The following ATP9B variants were observed in gnomAD, a reference collection of about 807,000 sequenced individuals.
ATP9B encodes the protein probable phospholipid-transporting ATPase IIB.
Under a neutral mutation model 146.1 loss-of-function variants are expected in ATP9B, and 110 were observed. That is an observed-to-expected ratio of 0.75 (90% confidence interval 0.65 to 0.88). The LOEUF (loss-of-function observed/expected upper bound fraction) is 0.88, where lower values mean the gene tolerates loss of function less well. ATP9B is among the 40% of genes least tolerant of loss of function. The probability of loss-of-function intolerance (pLI) is 0.00; values close to 1 mark genes in which losing one functional copy is unlikely to be tolerated. For missense variants in ATP9B, 1,499 were observed against 1,496.4 expected (o/e 1.00, Z -0.03); for synonymous variants, 604 against 569.7 (o/e 1.06, Z -0.86).
chr18:79,201,218 C>T (rs113787389), intron 9 of ATP9B, among the ~76,000 whole-genome samples: 3 of 152,066 alleles, frequency 2.0e-5, no homozygotes, highest in African/African-American at 7.2e-5. Context: ...TATATCCATT[C>T]TGAAATCTGA....
intron 15 of ATP9B, among the ~76,000 whole-genome samples, chr18:79,316,981 G>C (rs2096684190): frequency 6.6e-6 from 1 of 152,178 alleles, no homozygotes; most frequent in African/African-American, 2.4e-5. Context: ...GTTTATAAGA[G>C]AATATGAAAT....
intron 25 of ATP9B, among the ~76,000 whole-genome samples, chr18:79,349,783 C>T (rs979233007): frequency 2.0e-5 from 3 of 152,080 alleles, no homozygotes; most frequent in African/African-American, 7.2e-5. Context: ...GCCTTCCTTC[C>T]GTCTCCAGTC....
At chr18:79,253,566 C>G in intron 12 of ATP9B, 25 bp downstream of exon 12, 2 of 1,551,650 alleles carry the variant, frequency 1.3e-6, no homozygotes, top group Non-Finnish European at 1.7e-6. Flanking sequence ...GAAAATAAAA[C>G]AAATGTCTGG....
chr18:79,167,501 G>A (rs1352051770), intron 7 of ATP9B, among the ~76,000 whole-genome samples: 1 of 152,014 alleles, frequency 6.6e-6, no homozygotes, highest in African/African-American at 2.4e-5. Context: ...GACCTGGAGT[G>A]GGTAGCTTTT....
intron 5 of ATP9B, among the ~76,000 whole-genome samples, chr18:79,131,030 A>G (rs1256728974): frequency 6.6e-6 from 1 of 152,142 alleles, no homozygotes; most frequent in Non-Finnish European, 1.5e-5. Context: ...GCATGGTGGC[A>G]TGCACCTGTA....
chr18:79,349,295 A>T (rs368355583), intron 25 of ATP9B, among the ~76,000 whole-genome samples: 6 of 152,162 alleles, frequency 3.9e-5, no homozygotes, highest in African/African-American at 1.4e-4. Context: ...CTCAGAAAAT[A>T]CTTGAATAGT....
intron 7 of ATP9B, among the ~76,000 whole-genome samples, chr18:79,169,938 C>T (rs1421068468): frequency 6.6e-6 from 1 of 152,206 alleles, no homozygotes; most frequent in African/African-American, 2.4e-5. Flanking sequence ...TATCTTACGA[C>T]TTCCAGCAAA....
At chr18:79,260,737 G>T (rs530036635) in intron 12 of ATP9B, among the ~76,000 whole-genome samples, 50 of 152,230 alleles carry the variant, frequency 3.3e-4, no homozygotes, top group Non-Finnish European at 6.9e-4. Flanking sequence ...TTCAGAAAGA[G>T]GAAGAATGAC....
At chr18:79,154,877 A>T (rs1391113470) in intron 7 of ATP9B, among the ~76,000 whole-genome samples, 1 of 152,248 alleles carries the variant, frequency 6.6e-6, no homozygotes, top group Non-Finnish European at 1.5e-5. Context: ...TCTTTGAATG[A>T]CAGTATATTG....
chr18:79,180,011 C>G (rs1424169823), intron 8 of ATP9B, among the ~76,000 whole-genome samples: 2 of 151,912 alleles, frequency 1.3e-5, no homozygotes, highest in African/African-American at 4.8e-5. Context: ...TTGAATTTGC[C>G]CTTTCATTAT....
intron 2 of ATP9B, among the ~76,000 whole-genome samples, chr18:79,103,782 G>A (rs778881813): frequency 6.6e-6 from 1 of 152,130 alleles, no homozygotes; most frequent in East Asian, 1.9e-4. Context: ...AGTCCATCAG[G>A]GAAGAGCCTG....
intron 13 of ATP9B, among the ~76,000 whole-genome samples, chr18:79,290,491 T>A (rs536775006): frequency 3.3e-4 from 50 of 152,230 alleles, no homozygotes; most frequent in African/African-American, 1.1e-3. Context: ...CGGGTGGGAG[T>A]GACCCGATTT....
intron 12 of ATP9B, among the ~76,000 whole-genome samples, chr18:79,270,544 T>G (rs2096244707): frequency 6.6e-6 from 1 of 152,174 alleles, no homozygotes; most frequent in Non-Finnish European, 1.5e-5. Context: ...CATTTATTCT[T>G]TTTTTCTCCT....
At chr18:79,098,693 C>A (rs8094013) in intron 2 of ATP9B, among the ~76,000 whole-genome samples, 4 of 152,090 alleles carry the variant, frequency 2.6e-5, no homozygotes, top group African/African-American at 9.7e-5. Context: ...AACATTGATA[C>A]AATGCTTTGT....
chr18:79,347,939 T>C lies in ATP9B; in HGVS notation c.2838+14T>C. 4 of 1,609,264 alleles carry C rather than the reference T, an allele frequency of 2.5e-6. No individual in the cohort carries two copies. The highest frequency in any genetic ancestry group is 2.5e-6 in the Non-Finnish European group (3 of 1,178,326). ...TCCACCATGCAGGTACTAAGCCTTC[T>C]GTGCTGGCACCCATGGAGGGCAGGG... is the stretch of plus-strand genomic sequence containing the variant. On this transcript the variant is annotated intron_variant, in intron 24 of 29. Coordinates refer to ENST00000426216, the MANE Select transcript of ATP9B (RefSeq NM_198531.5).
At chr18:79,157,207 T>C (rs904617305) in intron 7 of ATP9B, among the ~76,000 whole-genome samples, 156 of 135,368 alleles carry the variant, frequency 1.2e-3, no homozygotes, top group Admixed American at 2.8e-3. Flanking sequence ...CTAAAAAAAA[T>C]ACACACACAC....
chr18:79,273,400 C>T (rs751043197), intron 12 of ATP9B, among the ~76,000 whole-genome samples: 19 of 152,198 alleles, frequency 1.2e-4, no homozygotes, highest in Non-Finnish European at 1.6e-4. Flanking sequence ...CACAGAGTGA[C>T]AAATGCTGGG....
Position 79,157,404 on chromosome 18 carries a change from A to AAAAAAAAAAAAC in ATP9B, c.778+2860_778+2861insCAAAAAAAAAAA, listed in dbSNP as rs1568296928. ...AGAGTGAAACTCCATCTCAAAAAAA[A>AAAAAAAAAAAAC]AAAAAAAAAAAAAAAAAAAACATGT... is the stretch of plus-strand genomic sequence containing the variant. On this transcript the variant is annotated intron_variant, in intron 7 of 29. Transcript: ENST00000426216. Among the ~76,000 whole-genome samples, 354 of 144,348 alleles carry AAAAAAAAAAAAC rather than the reference A, an allele frequency of 2.5e-3. 13 individuals carry two copies. In the South Asian group the frequency reaches 0.027, roughly 11 times the overall value. 94.7% of individuals were successfully genotyped at this position (144,348 alleles called of 152,430 possible).
At chr18:79,103,844 T>G (rs2075462334) in intron 2 of ATP9B, among the ~76,000 whole-genome samples, 1 of 151,956 alleles carries the variant, frequency 6.6e-6, no homozygotes, top group Admixed American at 6.6e-5. Flanking sequence ...TGTGGTGAGG[T>G]AGGCCCCCAC....
Sources: allele counts gnomAD v4.1 joint callset (sites outside exome capture counted in the v4.1 genomes callset), GRCh38; gene constraint gnomAD v4.1.1; transcripts MANE v1.5; gene names NCBI Gene and HGNC (gene_info 2026-07-23, HGNC 2026-07-21).